Variants in CCDC146 observed in about 807,000 individuals in gnomAD.
The protein encoded by CCDC146 is coiled-coil domain-containing protein 146.
CCDC146 carries 92 observed loss-of-function variants against 119.3 expected under a neutral mutation model. That is an observed-to-expected ratio of 0.77 (90% CI 0.65 to 0.92). The LOEUF is 0.92. Among genes scored for constraint, CCDC146 ranks in the 40% least tolerant of loss-of-function variants. CCDC146 has a pLI of 0.00. For synonymous variants in CCDC146, 372 were observed against 371.8 expected (o/e 1.00, Z -0.01); for missense variants, 1,000 against 1,103.0 (o/e 0.91, Z 1.32).
chr7:77,171,733 C>T (rs1714788720), intron 2 of CCDC146, among the ~76,000 whole-genome samples: 1 of 152,184 alleles, frequency 6.6e-6, no homozygotes, highest in South Asian at 2.1e-4. Flanking sequence ...CACAGAGTGA[C>T]CTTAAGACCA....
rs1020780131 is a variant in CCDC146 at position 77,174,432 on chromosome 7, C to T, written c.156+6608C>T. ...AGGGCTACCCCATAGGCAGTGTACACGGAATAGGAGCTCAGAGGCAGTTCT... is the reference window on the plus strand; with the variant it reads ...AGGGCTACCCCATAGGCAGTGTACATGGAATAGGAGCTCAGAGGCAGTTCT... On this transcript the variant is annotated intron_variant, in intron 2 of 18. Transcript: ENST00000285871. 2.6e-5 allele frequency among the ~76,000 whole-genome samples: 4 copies of T among 152,168 alleles called. 1 individual carries two copies. The highest frequency in any genetic ancestry group is 2.1e-4 in the South Asian group (1 of 4,830).
chr7:77,129,796 C>T (rs1036341673), intron 1 of CCDC146, among the ~76,000 whole-genome samples: 40 of 152,226 alleles, frequency 2.6e-4, no homozygotes, highest in African/African-American at 9.4e-4. Flanking sequence ...TGATGAATTA[C>T]ATCATACTCT....
chr7:77,210,526 A>G (rs1429343886), intron 2 of CCDC146, among the ~76,000 whole-genome samples: 5 of 152,164 alleles, frequency 3.3e-5, no homozygotes, highest in East Asian at 1.9e-4. Context: ...TCATCTTCCT[A>G]TCTTCTTCTA....
chr7:77,149,720 T>G (rs1484025550), intron 1 of CCDC146, among the ~76,000 whole-genome samples: 1 of 151,088 alleles, frequency 6.6e-6, no homozygotes, highest in East Asian at 1.9e-4. Context: ...AGCCCCGAGA[T>G]TGTGTCACTG....
intron 2 of CCDC146, among the ~76,000 whole-genome samples, chr7:77,179,979 A>G (rs1791557591): frequency 6.6e-6 from 1 of 152,140 alleles, no homozygotes; most frequent in African/African-American, 2.4e-5. Flanking sequence ...GCATAATGTC[A>G]TCAAGGTTGG....
In CCDC146 at chr7:77,196,431, T is replaced by G; in HGVS notation, c.156+28607T>G. The G allele has an allele frequency of 6.2e-7, 1 of 1,614,116 alleles. No individual in the cohort carries two copies. The highest frequency in any genetic ancestry group is 1.1e-5 in the South Asian group (1 of 91,084). On this transcript the variant is annotated intron_variant, in intron 2 of 18. Transcript: ENST00000285871. This position sits in a 1 kb window ranked among gnomAD's most constrained non-coding sequence, Gnocchi z 4.2. ...TATTTTTGGTGATAATATTTGCCAT[T>G]TAAGTTTGCAGAAAGACATGCATCA... is the stretch of plus-strand genomic sequence containing the variant.
At chr7:77,291,393 G>C (rs901305564) in intron 17 of CCDC146, among the ~76,000 whole-genome samples, 3 of 148,840 alleles carry the variant, frequency 2.0e-5, no homozygotes, top group Admixed American at 2.0e-4. Flanking sequence ...ATGCTAAATA[G>C]CTGATATTAA....
intron 2 of CCDC146, among the ~76,000 whole-genome samples, chr7:77,217,558 T>G (rs1315090045): frequency 2.2e-5 from 3 of 134,122 alleles, no homozygotes; most frequent in Non-Finnish European, 5.2e-5. Context: ...TACATATATA[T>G]ATATAGAGAG....
chr7:77,138,084 TAG>T (rs1227224456), intron 1 of CCDC146, among the ~76,000 whole-genome samples: 1 of 151,376 alleles, frequency 6.6e-6, no homozygotes, highest in Non-Finnish European at 1.5e-5. Context: ...ATGGTGGAGA[TAG>T]AGAGGAAGGA....
chr7:77,178,999 TAAAC>T (rs970204840), intron 2 of CCDC146, among the ~76,000 whole-genome samples: 1 of 152,088 alleles, frequency 6.6e-6, no homozygotes, highest in African/African-American at 2.4e-5. Context: ...CCTTGGCAAA[TAAAC>T]AGAAGGGAGC....
intron 8 of CCDC146, among the ~76,000 whole-genome samples, chr7:77,260,927 C>T (rs1793284166): frequency 6.6e-6 from 1 of 152,034 alleles, no homozygotes; most frequent in Non-Finnish European, 1.5e-5. Context: ...CGCGCCCAGC[C>T]TATGTCCTGC....
At chr7:77,267,038 C>T (rs1793419067) in intron 9 of CCDC146, among the ~76,000 whole-genome samples, 2 of 147,182 alleles carry the variant, frequency 1.4e-5, no homozygotes. Flanking sequence ...GTTGCTGAGG[C>T]TGGAGTACAG....
At chr7:77,156,100 G>A (rs1791175762) in intron 1 of CCDC146, among the ~76,000 whole-genome samples, 1 of 152,174 alleles carries the variant, frequency 6.6e-6, no homozygotes, top group Admixed American at 6.5e-5. Context: ...TGCTGATTCT[G>A]TAATAGAGAC....
At chr7:77,203,481 G>T (rs887456935) in intron 2 of CCDC146, among the ~76,000 whole-genome samples, 1 of 152,060 alleles carries the variant, frequency 6.6e-6, no homozygotes, top group Non-Finnish European at 1.5e-5. Context: ...TCAAAAAGAT[G>T]GTCAAAGAAA....
At chr7:77,215,659 T>C (rs1383269466) in intron 2 of CCDC146, among the ~76,000 whole-genome samples, 2 of 152,166 alleles carry the variant, frequency 1.3e-5, no homozygotes, top group Non-Finnish European at 2.9e-5. Context: ...TTCAGTCTTA[T>C]AGATGTCTCT....
intron 2 of CCDC146, among the ~76,000 whole-genome samples, chr7:77,175,432 G>C (rs567673029): frequency 6.7e-6 from 1 of 149,916 alleles, no homozygotes; most frequent in South Asian, 2.1e-4. Context: ...CACCGAGGAA[G>C]TAAAACTACG....
At chr7:77,238,291 G>T (rs1257917910) in intron 3 of CCDC146, among the ~76,000 whole-genome samples, 5 of 152,194 alleles carry the variant, frequency 3.3e-5, no homozygotes, top group East Asian at 1.9e-4. Context: ...TAAGTGGAAA[G>T]TCTGGAGTAA....
rs150698984 is a variant in CCDC146, at chr7:77,287,401, CTTT to C, written c.2278-32_2278-30del. 5.0e-6 allele frequency: 8 copies of C among 1,590,072 alleles called. No homozygotes were observed. In the African/African-American group the frequency reaches 6.7e-5, roughly 13 times the overall value. Reference sequence around the variant, plus strand: ...GGAAATAAGATTTTGTCTTAGATGACTTTTTTTTTATTCCTCTTGAACCAATTT... The same window carrying C: ...GGAAATAAGATTTTGTCTTAGATGACTTTTTTATTCCTCTTGAACCAATTT... On this transcript the variant is annotated intron_variant, in intron 16 of 18. Coordinates refer to ENST00000285871, the MANE Select transcript of CCDC146 (RefSeq NM_020879.3).
At chr7:77,220,790 T>C (rs1792389936) in intron 2 of CCDC146, among the ~76,000 whole-genome samples, 1 of 152,238 alleles carries the variant, frequency 6.6e-6, no homozygotes, top group Non-Finnish European at 1.5e-5. Flanking sequence ...CTGAAGTGAT[T>C]TCTGTTGAGT....
Sources: gnomAD v4.1 joint callset for allele counts (sites outside exome capture counted in the v4.1 genomes callset) on GRCh38, gnomAD v4.1.1 for gene constraint, Gnocchi (gnomAD v3.1) non-coding constraint, MANE v1.5 for transcripts, NCBI Gene and HGNC (gene_info 2026-07-23, HGNC 2026-07-21) for gene names.